The following NFAT5 variants were observed in gnomAD, a reference collection of about 807,000 sequenced individuals.
The protein encoded by NFAT5 is nuclear factor of activated T-cells 5.
A neutral mutation model predicts 166.5 loss-of-function variants in NFAT5; 31 were observed. The ratio of observed to expected loss-of-function variants is 0.19; its 90% CI spans 0.14 to 0.25. The LOEUF is 0.25. Among genes scored for constraint, NFAT5 ranks in the 10% least tolerant of loss-of-function variants. NFAT5 has a pLI of 1.00. For synonymous variants in NFAT5, 612 were observed against 639.7 expected, an observed-to-expected ratio of 0.96 and a Z score of 0.65; for missense variants, 1,449 against 1,821.8, an observed-to-expected ratio of 0.80 and a Z score of 3.72.
chr16:69,696,158 G>C (rs143109532), intron 14 of NFAT5, among the ~76,000 whole-genome samples: 1 of 152,228 alleles, frequency 6.6e-6, no homozygotes, highest in African/African-American at 2.4e-5. Context: ...TGTTTCCTTT[G>C]TACTATATAT....
intron 2 of NFAT5, among the ~76,000 whole-genome samples, chr16:69,571,815 A>C (rs2016456380): frequency 6.6e-6 from 1 of 151,914 alleles, no homozygotes; most frequent in South Asian, 2.1e-4. Context: ...GTTGGAGTGC[A>C]GTGGCACGAT....
At chr16:69,685,181 TA>T (rs1267313666) in intron 11 of NFAT5, 9 of 129,670 alleles carry the variant, frequency 6.9e-5, no homozygotes, top group Non-Finnish European at 1.2e-4. Context: ...TATATATATA[TA>T]TATATATATT....
chr16:69,690,984 C>T lies in NFAT5; in HGVS notation c.1819C>T (p.Pro607Ser), dbSNP rs150038450. ...TAATTTAGATAAGGTAAATATTATC[C>T]CTAATGCCCTGATGACTCCACTCAT... Reference protein sequence around the residue: ...GCNLDKVNIIPNALMTPLIPS... With the variant: ...GCNLDKVNIISNALMTPLIPS... The change falls in exon 12 of 15, where the codon CCT (proline) becomes TCT (serine). Residue 607 changes from proline to serine, a missense_variant. This residue lies in a region of NFAT5 where 245 missense variants were observed against 366.6 expected (regional missense o/e 0.67). Coordinates refer to ENST00000349945, the MANE Select transcript of NFAT5 (RefSeq NM_138713.4). 498 of 1,602,266 alleles carry T rather than the reference C, an allele frequency of 3.1e-4. No homozygotes were observed. The highest frequency in any genetic ancestry group is 3.6e-4 in the Non-Finnish European group (418 of 1,174,718).
chr16:69,688,067 G>A (rs2151709693), intron 11 of NFAT5, among the ~76,000 whole-genome samples: 1 of 150,920 alleles, frequency 6.6e-6, no homozygotes, highest in African/African-American at 2.4e-5. Context: ...GCGGTGGCGG[G>A]CGCCTGTAGT....
intron 3 of NFAT5, among the ~76,000 whole-genome samples, chr16:69,645,993 T>TA (rs758390377): frequency 6.6e-6 from 1 of 152,206 alleles, no homozygotes; most frequent in Non-Finnish European, 1.5e-5. Context: ...AATAGTTTTA[T>TA]AAAAAATATT....
intron 2 of NFAT5, among the ~76,000 whole-genome samples, chr16:69,607,519 C>T (rs147867155): frequency 6.6e-6 from 1 of 152,214 alleles, no homozygotes; most frequent in Non-Finnish European, 1.5e-5. Context: ...TTGACAACCT[C>T]TAATACTAGA....
At chr16:69,642,231 T>C (rs1219420608) in intron 3 of NFAT5, among the ~76,000 whole-genome samples, 1 of 152,226 alleles carries the variant, frequency 6.6e-6, no homozygotes, top group Non-Finnish European at 1.5e-5. Flanking sequence ...ATCTCAACTA[T>C]TTTTGAGTAT....
At chr16:69,603,611 G>A (rs997708219) in intron 2 of NFAT5, among the ~76,000 whole-genome samples, 3 of 152,106 alleles carry the variant, frequency 2.0e-5, no homozygotes, top group African/African-American at 7.2e-5. Flanking sequence ...AATTAGCCGG[G>A]CATGGTGATG....
intron 2 of NFAT5, among the ~76,000 whole-genome samples, chr16:69,621,760 G>A (rs2034208043): frequency 6.6e-6 from 1 of 152,096 alleles, no homozygotes; most frequent in Admixed American, 6.6e-5. Flanking sequence ...GAGTCCAAGA[G>A]TCTGAGACCA....
chr16:69,615,780 C>T (rs1426187548), intron 2 of NFAT5, among the ~76,000 whole-genome samples: 2 of 152,026 alleles, frequency 1.3e-5, no homozygotes, highest in African/African-American at 2.4e-5. Flanking sequence ...CTTATTTGAT[C>T]AATCTCCTGT....
At chr16:69,614,146 CTCTT>C (rs887914570) in intron 2 of NFAT5, among the ~76,000 whole-genome samples, 1 of 151,490 alleles carries the variant, frequency 6.6e-6, no homozygotes, top group African/African-American at 2.4e-5. Flanking sequence ...TTCTTTTCTT[CTCTT>C]TCTCTCTTTT....
rs764311127 is a variant in NFAT5, at chr16:69,574,058, A to G, written c.127+5510A>G. ...GGCTAATACTGTATTTTTATTAGAG[A>G]TAGGGTTTCTCCATGTTGGTCAGGT... On this transcript the variant is annotated intron_variant, in intron 2 of 14. Coordinates refer to ENST00000349945, the MANE Select transcript of NFAT5 (RefSeq NM_138713.4). Among the ~76,000 whole-genome samples the G allele has an allele frequency of 4.2e-4, 64 of 152,066 alleles. 1 individual carries two copies. The highest frequency in any genetic ancestry group is 3.4e-3 in the Middle Eastern group (1 of 292).
At chr16:69,643,457 A>C (rs906087438) in intron 3 of NFAT5, among the ~76,000 whole-genome samples, 3 of 151,652 alleles carry the variant, frequency 2.0e-5, no homozygotes, top group Non-Finnish European at 4.4e-5. Context: ...GATTTTTTTC[A>C]TGGTAAATTT....
rs1368157934 is a variant in NFAT5 at position 69,698,513 on chromosome 16, T to C, written c.*2162T>C. 1 of 152,102 alleles carries C rather than the reference T, an allele frequency of 6.6e-6. No individual in the cohort carries two copies. Among genetic ancestry groups the C allele is most frequent in the Non-Finnish European group, 1.5e-5 (1 of 67,876 alleles). 9.4% of individuals were successfully genotyped at this position (152,102 alleles called of 1,614,324 possible). ...CAGTGAGGGGGGGTGGGGTTTGTTA[T>C]GTCTTTATTGAGTATTTAAGTATCT... On this transcript the variant is annotated 3_prime_UTR_variant, in exon 15 of 15. Transcript: ENST00000349945.
rs189136596 is a variant in NFAT5 at position 69,608,484 on chromosome 16, C to A, written c.128-17919C>A. On this transcript the variant is annotated intron_variant, in intron 2 of 14. Transcript: ENST00000349945. The stretch of plus-strand genomic sequence containing the variant: ...AAGAAGACTGCTGGGTGGCCAGGCG[C>A]GGTGGCTCACGCCTGTAATCCCAGC... Among the ~76,000 whole-genome samples the A allele has an allele frequency of 6.6e-5, 10 of 152,038 alleles. No individual in the cohort carries two copies. In the South Asian group the frequency reaches 8.3e-4, roughly 13 times the overall value.
intron 2 of NFAT5, among the ~76,000 whole-genome samples, chr16:69,579,317 ATTATT>A (rs1464294233): frequency 6.6e-6 from 1 of 152,162 alleles, no homozygotes; most frequent in African/African-American, 2.4e-5. Flanking sequence ...TAATTTTATA[ATTATT>A]TTTAAAGAAC....
At position 69,626,455 on chromosome 16, in the gene NFAT5, A is replaced by C. The variant is rs895591027; in HGVS notation, c.180A>C (p.Glu60Asp). The C allele has an allele frequency of 4.1e-5, 65 of 1,598,516 alleles. No homozygotes were observed. The highest frequency in any genetic ancestry group is 5.5e-5 in the Non-Finnish European group (65 of 1,172,950). Residue 60 changes from glutamate to aspartate, a missense_variant, in exon 3 of 15, where the codon GAA (glutamate) becomes GAC (aspartate). Physicochemically the swap from Glu to Asp is conservative, Grantham distance 45. Around this residue, in one of 7 missense-constraint regions of NFAT5, gnomAD observed 172 missense variants for 194.5 expected, o/e 0.88. Coordinates refer to ENST00000349945, the MANE Select transcript of NFAT5 (RefSeq NM_138713.4). ...PKELQLPPSRETSVASMSQTS... is the reference protein window; with the variant it reads ...PKELQLPPSRDTSVASMSQTS... ...AGTTACAGTTACCTCCATCTAGAGA[A>C]ACATCTGTAGCATCAATGAGTCAGA...
At position 69,692,474 on chromosome 16, in the gene NFAT5, T is replaced by A; in HGVS notation, c.2649T>A (p.Ala883=). 6.2e-7 allele frequency: 1 copy of A among 1,614,234 alleles called. No homozygotes were observed. The highest frequency in any genetic ancestry group is 1.1e-5 in the South Asian group (1 of 91,086). Residue 883 remains alanine (A), a synonymous_variant, in exon 13 of 15, where the codon GCT becomes GCA. Transcript: ENST00000349945. The part of the protein sequence containing the change: ...TRPDNLLPGR[A]ESVHPQSENT... Reference sequence around the variant, plus strand: ...CAGATAATTTATTACCTGGAAGAGCTGAAAGTGTTCATCCACAGTCTGAAA... The same window carrying A: ...CAGATAATTTATTACCTGGAAGAGCAGAAAGTGTTCATCCACAGTCTGAAA...
intron 3 of NFAT5, chr16:69,644,670 A>C: frequency 3.7e-6 from 1 of 273,276 alleles, no homozygotes; most frequent in Non-Finnish European, 7.3e-6. Flanking sequence ...AAGATTTGCA[A>C]GATAAAATTT....
Sources: allele counts gnomAD v4.1 joint callset (sites outside exome capture counted in the v4.1 genomes callset), GRCh38; gene constraint gnomAD v4.1.1; regional missense constraint gnomAD v4.1.1; transcripts MANE v1.5; gene names NCBI Gene and HGNC (gene_info 2026-07-23, HGNC 2026-07-21).